Variants in DYNC1I1 observed in about 807,000 individuals in gnomAD.
DYNC1I1 encodes the protein cytoplasmic dynein 1 intermediate chain 1.
Under a neutral mutation model 86.6 loss-of-function variants are expected in DYNC1I1, and 43 were observed. The observed-to-expected ratio is 0.50, with a 90% CI of 0.39 to 0.64. DYNC1I1 has a LOEUF of 0.64. Among genes scored for constraint, DYNC1I1 ranks in the 30% least tolerant of loss-of-function variants. The pLI is 0.00. For missense variants in DYNC1I1, 604 were observed against 788.8 expected (o/e 0.77, Z 2.81); for synonymous variants, 262 against 283.7 (o/e 0.92, Z 0.77).
In DYNC1I1 at chr7:96,080,462, C is replaced by A; in HGVS notation, c.1750C>A (p.Arg584Ser). The A allele has an allele frequency of 2.5e-6, 4 of 1,614,052 alleles. No individual in the cohort carries two copies. In the African/African-American group the frequency reaches 5.3e-5, roughly 22 times the overall value. The part of the protein sequence containing the change: ...KEVAVGDSEG[R>S]IWVYDVGELA... ...AGTTGCTGTTGGGGACTCGGAAGGC[C>A]GTATTTGGGTCTATGACGTTGGAGA... Residue 584 changes from arginine (R) to serine (S), a missense_variant, in exon 16 of 17, where the codon CGT (arginine) becomes AGT (serine). Coordinates refer to ENST00000447467, the MANE Select transcript of DYNC1I1 (RefSeq NM_001135556.2).
intron 14 of DYNC1I1, among the ~76,000 whole-genome samples, chr7:96,061,743 AACACAC>A (rs147856984): frequency 1.5e-4 from 20 of 131,912 alleles, no homozygotes; most frequent in Admixed American, 1.4e-3. Flanking sequence ...CACGCACACA[AACACAC>A]ACACACACAC....
intron 16 of DYNC1I1, among the ~76,000 whole-genome samples, chr7:96,093,208 T>A (rs2116320900): frequency 6.6e-6 from 1 of 152,324 alleles, no homozygotes; most frequent in African/African-American, 2.4e-5. Context: ...TGACAATCCA[T>A]GATGAACTCA....
intron 6 of DYNC1I1, among the ~76,000 whole-genome samples, chr7:95,969,573 T>C (rs951973478): frequency 9.2e-5 from 14 of 152,230 alleles, no homozygotes; most frequent in African/African-American, 3.1e-4. Flanking sequence ...TGTCCTTCCA[T>C]GCAAGCTGAC....
intron 1 of DYNC1I1, among the ~76,000 whole-genome samples, chr7:95,784,308 A>G (rs1794071589): frequency 6.6e-6 from 1 of 152,150 alleles, no homozygotes; most frequent in Non-Finnish European, 1.5e-5. Context: ...TGTGGTATAA[A>G]TGAATTGTGA....
At chr7:95,932,770 G>A (rs766514633) in intron 6 of DYNC1I1, among the ~76,000 whole-genome samples, 9 of 152,022 alleles carry the variant, frequency 5.9e-5, no homozygotes, top group Non-Finnish European at 1.2e-4. Context: ...TAGAACCAGG[G>A]GCTAAAAGTT....
chr7:95,774,493 T>C lies in DYNC1I1; in HGVS notation c.-10+1720T>C, dbSNP rs1283836809. 4.6e-5 allele frequency among the ~76,000 whole-genome samples: 7 copies of C among 152,060 alleles called. No individual in the cohort carries two copies. In the East Asian group the frequency reaches 1.3e-3, roughly 29 times the overall value. On this transcript the variant is annotated intron_variant, in intron 1 of 16. Transcript: ENST00000447467. ...GTTAAAGCTTTAGGTAAATCACCAG[T>C]AGGGATATGAGCAGAGAAAATAAAC... is the stretch of plus-strand genomic sequence containing the variant.
At chr7:95,929,979 T>C (rs319312) in intron 6 of DYNC1I1, among the ~76,000 whole-genome samples, 123,734 of 152,208 alleles carry the variant, frequency 0.81, 50,506 homozygotes, top group African/African-American at 0.88. Context: ...TCTTAAGAAA[T>C]ATTTCCCAAG....
In DYNC1I1 at chr7:95,807,727, C is replaced by G. The variant is rs138209220; in HGVS notation, c.109-2665C>G. 3.2e-4 allele frequency among the ~76,000 whole-genome samples: 48 copies of G among 152,236 alleles called. 1 individual carries two copies. In the East Asian group the frequency reaches 9.3e-3, roughly 29 times the overall value. On this transcript the variant is annotated intron_variant, in intron 2 of 16. Coordinates refer to ENST00000447467, the MANE Select transcript of DYNC1I1 (RefSeq NM_001135556.2). ...TAACTGCATGTCTTTCCGTTCTCAT[C>G]TCAAATGTCACTTTCCCAGAAAGCT...
chr7:95,892,163 G>T (rs1790757773), intron 6 of DYNC1I1, among the ~76,000 whole-genome samples: 1 of 150,426 alleles, frequency 6.6e-6, no homozygotes, highest in South Asian at 2.1e-4. Flanking sequence ...TTGAGACAGA[G>T]TCTTGCTCTG....
At chr7:96,049,789 T>C (rs755954438) in intron 14 of DYNC1I1, among the ~76,000 whole-genome samples, 12 of 152,108 alleles carry the variant, frequency 7.9e-5, no homozygotes, top group Non-Finnish European at 1.8e-4. Flanking sequence ...CCCAGCACTT[T>C]GGGAAGCCGA....
intron 10 of DYNC1I1, among the ~76,000 whole-genome samples, chr7:96,022,707 T>A (rs962689451): frequency 6.6e-6 from 1 of 151,592 alleles, no homozygotes; most frequent in African/African-American, 2.4e-5. Flanking sequence ...TACAAAAAAA[T>A]TTTAAAAATT....
intron 16 of DYNC1I1, among the ~76,000 whole-genome samples, chr7:96,104,768 C>CA (rs1174182967): frequency 2.0e-5 from 3 of 152,040 alleles, no homozygotes; most frequent in Non-Finnish European, 4.4e-5. Flanking sequence ...GTCTTGGTTG[C>CA]AATAGCTGTG....
chr7:96,037,243 A>G (rs1242237142), intron 13 of DYNC1I1, among the ~76,000 whole-genome samples: 1 of 152,156 alleles, frequency 6.6e-6, no homozygotes, highest in Non-Finnish European at 1.5e-5. Flanking sequence ...TCCTTCATAA[A>G]CCCTGGCTAA....
intron 14 of DYNC1I1, among the ~76,000 whole-genome samples, chr7:96,064,219 TC>T (rs1157086810): frequency 5.2e-5 from 4 of 76,456 alleles, no homozygotes; most frequent in Non-Finnish European, 1.0e-4. Flanking sequence ...TATCTCTCTC[TC>T]TCTCTCTCTC....
chr7:95,905,687 C>T (rs1400625172), intron 6 of DYNC1I1, among the ~76,000 whole-genome samples: 1 of 151,632 alleles, frequency 6.6e-6, no homozygotes, highest in East Asian at 1.9e-4. Context: ...TACTAACGCC[C>T]CATTGTGTCT....
At chr7:96,085,569 G>T (rs1449807899) in intron 16 of DYNC1I1, among the ~76,000 whole-genome samples, 2 of 152,144 alleles carry the variant, frequency 1.3e-5, no homozygotes, top group African/African-American at 4.8e-5. Flanking sequence ...ACAGATAGGG[G>T]TCTATTTTCT....
chr7:95,965,424 AGTT>A (rs1792984845), intron 6 of DYNC1I1, among the ~76,000 whole-genome samples: 1 of 152,204 alleles, frequency 6.6e-6, no homozygotes, highest in Non-Finnish European at 1.5e-5. Context: ...GTAATTTAGT[AGTT>A]GTCTGAGCAA....
intron 9 of DYNC1I1, 60 bp downstream of exon 9, chr7:95,987,215 A>C: frequency 6.9e-7 from 1 of 1,449,746 alleles, no homozygotes; most frequent in South Asian, 1.2e-5. Flanking sequence ...ATTTGTATAA[A>C]AAAATAAGAG....
chr7:95,912,978 TA>T (rs934480342), intron 6 of DYNC1I1, among the ~76,000 whole-genome samples: 4 of 151,986 alleles, frequency 2.6e-5, no homozygotes, highest in African/African-American at 7.2e-5. Flanking sequence ...GCAAGTTGGC[TA>T]AAAAAAAGAA....
Sources: allele counts gnomAD v4.1 joint callset (sites outside exome capture counted in the v4.1 genomes callset), GRCh38; gene constraint gnomAD v4.1.1; transcripts MANE v1.5; gene names NCBI Gene and HGNC (gene_info 2026-07-23, HGNC 2026-07-21).